Variants in TTN observed in about 807,000 individuals in gnomAD.
TTN encodes the protein titin, also known as connectin.
TTN carries 1,525 observed loss-of-function variants against 3,223.0 expected under a neutral mutation model. The ratio of observed to expected loss-of-function variants is 0.47; its 90% CI spans 0.45 to 0.49. TTN has a LOEUF of 0.49. Among genes scored for constraint, TTN ranks in the 20% least tolerant of loss-of-function variants. The probability of loss-of-function intolerance (pLI) is 0.00; values close to 1 mark genes in which losing one functional copy is unlikely to be tolerated. For synonymous variants in TTN, 14,094 were observed against 15,161.0 expected (o/e 0.93, Z 5.17); for missense variants, 40,786 against 43,424.0 (o/e 0.94, Z 5.40).
At chr2:178,640,435 A>C in intron 221 of TTN, 106 bp downstream of exon 221, 2 of 1,043,386 alleles carry the variant, frequency 1.9e-6, no homozygotes, top group Non-Finnish European at 2.9e-6. Flanking sequence ...ATATGTGATT[A>C]ACAGATTAAG....
intron 350 of TTN, 46 bp downstream of exon 350, chr2:178,541,236 T>A: frequency 7.0e-7 from 1 of 1,431,200 alleles, no homozygotes; most frequent in Non-Finnish European, 9.2e-7. Context: ...TTTTCCCACA[T>A]ATAAATTGTA....
At chr2:178,530,151 G>A (rs1391504349) in intron 358 of TTN, 35 bp from the exon 359 acceptor site, 1 of 1,567,828 alleles carries the variant, frequency 6.4e-7, no homozygotes, top group Non-Finnish European at 8.6e-7. Flanking sequence ...TTTAAAAAGT[G>A]ATTTCATTTT....
At chr2:178,779,654 G>A (rs377074127) in intron 22 of TTN, among the ~76,000 whole-genome samples, 192 bp from the exon 23 acceptor site, 1 of 152,160 alleles carries the variant, frequency 6.6e-6, no homozygotes, top group African/African-American at 2.4e-5. Flanking sequence ...TGGGTAGAAA[G>A]GTATTCCAAA....
rs762133521 is a variant in TTN at position 178,782,600 on chromosome 2, A to T, written c.3103T>A (p.Ser1035Thr). The T allele has an allele frequency of 6.2e-7, 1 of 1,613,928 alleles. No individual in the cohort carries two copies. The highest frequency in any genetic ancestry group is 8.5e-7 in the Non-Finnish European group (1 of 1,179,936). ...STSCYLAVQV[S>T]EEFEKETTAV... ...GTGGTTTCCTTTTCAAATTCTTCTGACACTAAAAGAAGACAAAAGTTTCTC... is the reference window on the plus strand; with the variant it reads ...GTGGTTTCCTTTTCAAATTCTTCTGTCACTAAAAGAAGACAAAAGTTTCTC... Residue 1035 changes from serine (S) to threonine (T), a missense_variant and splice_region_variant, in exon 19 of 363, where the codon TCA (serine) becomes ACA (threonine). By Grantham distance (58) the Ser-to-Thr change is moderately conservative. Coordinates refer to ENST00000589042, the MANE Select transcript of TTN (RefSeq NM_001267550.2).
chr2:178,579,824 A>G lies in TTN; in HGVS notation c.67373T>C (p.Leu22458Pro). 6.2e-7 allele frequency: 1 copy of G among 1,613,290 alleles called. No homozygotes were observed. The highest frequency in any genetic ancestry group is 8.5e-7 in the Non-Finnish European group (1 of 1,179,494). ...ASQTPGPVVD[L>P]KVRSVSKSSC... ...TGACTTAGATACAGACCTCACTTTCAGGTCCACAACTGGTCCAGGAGTTTC... is the reference window on the plus strand; with the variant it reads ...TGACTTAGATACAGACCTCACTTTCGGGTCCACAACTGGTCCAGGAGTTTC... The change falls in exon 319 of 363, where the codon CTG becomes CCG. Residue 22458 changes from leucine (L) to proline (P), a missense_variant. Leu to Pro is a moderately conservative substitution (Grantham distance 98). Transcript: ENST00000589042.
At chr2:178,793,266 A>T in intron 9 of TTN, 138 bp downstream of exon 9, 1 of 1,319,816 alleles carries the variant, frequency 7.6e-7, no homozygotes, top group Non-Finnish European at 1.0e-6. Flanking sequence ...CCAGAAATTT[A>T]CACATACAAC....
chr2:178,691,906 G>T, intron 121 of TTN, 110 bp downstream of exon 121: 2 of 807,684 alleles, frequency 2.5e-6, no homozygotes, highest in Non-Finnish European at 3.7e-6. Context: ...AACACAAGAA[G>T]AATGTAAAAG....
rs766374343 is a variant in TTN, at chr2:178,713,139, T to C, written c.26995A>G (p.Ile8999Val). The C allele has an allele frequency of 6.2e-7, 1 of 1,613,702 alleles. No individual in the cohort carries two copies. Among genetic ancestry groups the C allele is most frequent in the African/African-American group, 1.3e-5 (1 of 74,934 alleles). Residue 8999 changes from isoleucine to valine, a missense_variant, in exon 93 of 363, where the codon ATA becomes GTA. Physicochemically the swap from Ile to Val is conservative, Grantham distance 29. Transcript: ENST00000589042. ...TCAGAACCAGCCATATTAGTAGCTA[T>C]ACATGTGTAGTCACCACTGTCTGAT... Reference protein sequence around the residue: ...EESDSGDYTCIATNMAGSDEC... With the variant: ...EESDSGDYTCVATNMAGSDEC...
intron 156 of TTN, 68 bp downstream of exon 156, chr2:178,671,022 G>T: frequency 8.4e-7 from 1 of 1,185,590 alleles, no homozygotes; most frequent in Non-Finnish European, 1.2e-6. Flanking sequence ...ATGCAAACTT[G>T]TGCTTATAAA....
In TTN at chr2:178,536,189, T is replaced by A; in HGVS notation, c.100558A>T (p.Thr33520Ser). The change falls in exon 357 of 363, where the codon ACT (threonine) becomes TCT (serine). Residue 33520 changes from threonine (T) to serine (S), a missense_variant. Thr to Ser is a moderately conservative substitution (Grantham distance 58). Coordinates refer to ENST00000589042, the MANE Select transcript of TTN (RefSeq NM_001267550.2). ...TTGACGATAGGTTTTGGATGACCAG[T>A]CACTTTGCAGACCAAGGTAGCATTG... ...QSNATLVCKV[T>S]GHPKPIVKWY... 1 of 1,613,568 alleles carries A rather than the reference T, an allele frequency of 6.2e-7. No individual in the cohort carries two copies. Among genetic ancestry groups the A allele is most frequent in the Non-Finnish European group, 8.5e-7 (1 of 1,179,652 alleles).
At position 178,558,532 on chromosome 2, in the gene TTN, T is replaced by G. The variant is rs1392632968; in HGVS notation, c.86927A>C (p.His28976Pro). ...TTTTTCTAGTGCTTCAACGACATAG[T>G]GTACAATTCTGCTTCCGCCATCATG... ...PEHDGGSRIV[H>P]YVVEALEKGQ... Residue 28976 changes from histidine (H) to proline (P), a missense_variant, in exon 327 of 363, where the codon CAC becomes CCC. Coordinates refer to ENST00000589042, the MANE Select transcript of TTN (RefSeq NM_001267550.2). 6.2e-7 allele frequency: 1 copy of G among 1,613,782 alleles called. No homozygotes were observed. Among genetic ancestry groups the G allele is most frequent in the Non-Finnish European group, 8.5e-7 (1 of 1,179,796 alleles).
Position 178,776,488 on chromosome 2 carries a change from A to C in TTN, c.5376T>G (p.Leu1792=). The stretch of plus-strand genomic sequence containing the variant: ...CAAGACTTTTCTCATCTTTAACAAT[A>C]AGGGTAGCAGATGTGTGATCTGTTC... ...KYGTDHTSAT[L]IVKDEKSLVE... The change falls in exon 28 of 363, where the codon CTT becomes CTG. Residue 1792 remains leucine (L), a synonymous_variant. Transcript: ENST00000589042. 6.2e-7 allele frequency: 1 copy of C among 1,608,250 alleles called. No individual in the cohort carries two copies.
At chr2:178,736,511 A>T (rs2081469939) in intron 49 of TTN, among the ~76,000 whole-genome samples, 1 of 152,186 alleles carries the variant, frequency 6.6e-6, no homozygotes, top group Non-Finnish European at 1.5e-5. Context: ...ATGTCTTTCT[A>T]ACCCTCATGT....
chr2:178,671,586 C>G (rs188936065), intron 155 of TTN, among the ~76,000 whole-genome samples: 1 of 151,856 alleles, frequency 6.6e-6, no homozygotes, highest in East Asian at 1.9e-4. Context: ...GAACAGTTGA[C>G]TAAAATGTTA....
At position 178,651,699 on chromosome 2, in the gene TTN, C is replaced by T. The variant is rs374394719; in HGVS notation, c.39430G>A (p.Val13144Ile). Residue 13144 changes from valine (V) to isoleucine (I), a missense_variant, in exon 206 of 363, where the codon GTT (valine) becomes ATT (isoleucine). Transcript: ENST00000589042. ...PVPEKKAPAV[V>I]AKKPELPPVK... ...GGTGGTAGTTCAGGTTTTTTGGCAA[C>T]GACAGCAGGTGCTTTCTTTTCTGGG... 58 of 1,613,212 alleles carry T rather than the reference C, an allele frequency of 3.6e-5. No individual in the cohort carries two copies. In the African/African-American group the frequency reaches 3.7e-4, roughly 10 times the overall value.
At position 178,672,139 on chromosome 2, in the gene TTN, C is replaced by T; in HGVS notation, c.35059G>A (p.Val11687Ile). ...TCGCCTTCTTCAAAATATTCTTCAA[C>T]TTCATGGAACTCTTCTTCTTCCGGA... ...EIPEEEEFHE[V>I]EEYFEEGEFH... The change falls in exon 155 of 363, where the codon GTT (valine) becomes ATT (isoleucine). Residue 11687 changes from valine to isoleucine, a missense_variant. Transcript: ENST00000589042. The T allele has an allele frequency of 6.2e-7, 1 of 1,607,714 alleles. No homozygotes were observed. The highest frequency in any genetic ancestry group is 8.5e-7 in the Non-Finnish European group (1 of 1,176,318).
Position 178,582,495 on chromosome 2 carries a change from T to A in TTN, c.65961A>T (p.Glu21987Asp). 6.2e-7 allele frequency: 1 copy of A among 1,612,932 alleles called. No individual in the cohort carries two copies. Among genetic ancestry groups the A allele is most frequent in the Non-Finnish European group, 8.5e-7 (1 of 1,179,300 alleles). Reference protein sequence around the residue: ...WEPPLEDGGSEITNYIVDKRE... With the variant: ...WEPPLEDGGSDITNYIVDKRE... ...GTTTGTCAACAATATAGTTGGTGATTTCTGAGCCTCCATCTTCAAGAGGCG... is the reference window on the plus strand; with the variant it reads ...GTTTGTCAACAATATAGTTGGTGATATCTGAGCCTCCATCTTCAAGAGGCG... Residue 21987 changes from glutamate to aspartate, a missense_variant, in exon 314 of 363, where the codon GAA becomes GAT. Transcript: ENST00000589042.
Position 178,545,699 on chromosome 2 carries a change from T to C in TTN, c.95417-6A>G, listed in dbSNP as rs1166561105. The C allele has an allele frequency of 1.9e-6, 3 of 1,609,834 alleles. No homozygotes were observed. ...GCCGGGTGGTGATGGAATAGCTGTT[T>C]ATGAAAATAAGGATGATGAGAATTG... On this transcript the variant is annotated splice_region_variant and splice_polypyrimidine_tract_variant and intron_variant, in intron 343 of 362. Transcript: ENST00000589042.
chr2:178,776,756 G>A lies in TTN; in HGVS notation c.5108C>T (p.Pro1703Leu). ...GGAAGTGAGTTTTTTCTTGAAAAAT[G>A]GTTTCTGTTGTTTCTCTTTGTCATA... ...DLYDKEKQQK[P>L]FFKKKLTSLR... The change falls in exon 28 of 363, where the codon CCA becomes CTA. Residue 1703 changes from proline to leucine, a missense_variant. Pro to Leu is a moderately conservative substitution (Grantham distance 98, BLOSUM62 -3). Coordinates refer to ENST00000589042, the MANE Select transcript of TTN (RefSeq NM_001267550.2). 6.2e-7 allele frequency: 1 copy of A among 1,614,094 alleles called. No homozygotes were observed. The highest frequency in any genetic ancestry group is 8.5e-7 in the Non-Finnish European group (1 of 1,180,012).
Sources: allele counts gnomAD v4.1 joint callset (sites outside exome capture counted in the v4.1 genomes callset), GRCh38; gene constraint gnomAD v4.1.1; transcripts MANE v1.5; gene names NCBI Gene and HGNC (gene_info 2026-07-23, HGNC 2026-07-21).